HPSE2: variants seen among roughly 807,000 people sequenced by gnomAD.
HPSE2 encodes the protein heparanase 2 (inactive).
Under a neutral mutation model 60.5 loss-of-function variants are expected in HPSE2, and 38 were observed. The ratio of observed to expected loss-of-function variants is 0.63; its 90% CI spans 0.48 to 0.82. HPSE2 has a LOEUF of 0.82. Ranked by LOEUF, HPSE2 falls within the 40% of genes least tolerant of loss-of-function variation. The pLI is 0.00. For missense variants in HPSE2, 713 were observed against 740.4 expected (o/e 0.96, Z 0.43); for synonymous variants, 295 against 293.2 (o/e 1.01, Z -0.06).
At chr10:98,856,098 C>T (rs565291386) in intron 3 of HPSE2, among the ~76,000 whole-genome samples, 59 of 152,236 alleles carry the variant, frequency 3.9e-4, no homozygotes, top group African/African-American at 1.3e-3. Context: ...AAAGGCCTAG[C>T]AGAAAGAGAG....
the HPSE2 span, among the ~76,000 whole-genome samples, chr10:99,313,890 C>T: frequency 3.3e-5 from 5 of 152,062 alleles, no homozygotes; most frequent in South Asian, 4.2e-4. Context: ...TGAGTCACCG[C>T]GCCCAGCTGA....
the HPSE2 span, among the ~76,000 whole-genome samples, chr10:99,241,212 A>G: frequency 6.6e-6 from 1 of 152,226 alleles, no homozygotes; most frequent in Non-Finnish European, 1.5e-5. Flanking sequence ...ACAAGTGGCT[A>G]AAGTATTGTA....
At chr10:99,245,296 C>T in the HPSE2 span, among the ~76,000 whole-genome samples, 1 of 152,146 alleles carries the variant, frequency 6.6e-6, no homozygotes, top group Non-Finnish European at 1.5e-5. Context: ...AGATCCCTCA[C>T]TACACAATTC....
intron 3 of HPSE2, among the ~76,000 whole-genome samples, chr10:98,776,091 C>T (rs184249940): frequency 1.5e-3 from 222 of 152,162 alleles, no homozygotes; most frequent in Non-Finnish European, 2.6e-3. Context: ...CCATTTAGCA[C>T]CCTTCAATCC....
intron 3 of HPSE2, among the ~76,000 whole-genome samples, chr10:98,971,932 C>T (rs1955964844): frequency 6.6e-6 from 1 of 152,090 alleles, no homozygotes; most frequent in African/African-American, 2.4e-5. Context: ...TCTTACTCCC[C>T]AGGCCCCTAC....
At chr10:99,202,589 T>C (rs1387666543) in intron 2 of HPSE2, among the ~76,000 whole-genome samples, 1 of 152,182 alleles carries the variant, frequency 6.6e-6, no homozygotes, top group African/African-American at 2.4e-5. Flanking sequence ...ATATCTATTA[T>C]GTATCAATTT....
chr10:99,212,358 T>TC (rs1325587807), intron 2 of HPSE2, among the ~76,000 whole-genome samples: 1 of 151,982 alleles, frequency 6.6e-6, no homozygotes, highest in Non-Finnish European at 1.5e-5. Flanking sequence ...TAGCTGCACT[T>TC]CCATGTTCAC....
intron 9 of HPSE2, among the ~76,000 whole-genome samples, chr10:98,525,466 CACTT>C (rs2133786098): frequency 6.6e-6 from 1 of 152,376 alleles, no homozygotes; most frequent in African/African-American, 2.4e-5. Context: ...ACAGAAGAGA[CACTT>C]ACGGACTACC....
rs201030503 is a variant in HPSE2 at position 98,749,616 on chromosome 10, C to T, written c.611-5560G>A. Among the ~76,000 whole-genome samples, 11 of 151,192 alleles carry T rather than the reference C, an allele frequency of 7.3e-5. No homozygotes were observed. The East Asian group carries it at 1.2e-3, about 16-fold the overall frequency. ...AAAGCAATACACACTCAGTAGAAAT[C>T]GTACTTCAAATACACAACCATTTTG... On this transcript the variant is annotated intron_variant, in intron 3 of 11. Coordinates refer to ENST00000370552, the MANE Select transcript of HPSE2 (RefSeq NM_021828.5).
At chr10:99,156,248 T>G (rs1258200189) in intron 2 of HPSE2, among the ~76,000 whole-genome samples, 1 of 117,136 alleles carries the variant, frequency 8.5e-6, no homozygotes, top group African/African-American at 2.8e-5. Flanking sequence ...TAACTCATTT[T>G]ATGAGGCCAG....
intron 3 of HPSE2, among the ~76,000 whole-genome samples, chr10:99,120,911 G>A (rs1844927567): frequency 6.6e-6 from 1 of 152,194 alleles, no homozygotes; most frequent in Admixed American, 6.5e-5. Context: ...ATTTCTCAAA[G>A]AGCTAAAAAC....
intron 3 of HPSE2, among the ~76,000 whole-genome samples, chr10:99,052,749 G>T (rs1958019735): frequency 1.3e-5 from 2 of 151,818 alleles, no homozygotes; most frequent in South Asian, 4.1e-4. Context: ...AAGGCCAAGA[G>T]GAAAGTAAGA....
chr10:98,828,178 A>C (rs1432396094), intron 3 of HPSE2, among the ~76,000 whole-genome samples: 2 of 152,204 alleles, frequency 1.3e-5, no homozygotes, highest in African/African-American at 4.8e-5. Flanking sequence ...GACATAGTCT[A>C]TTGGTTCTGT....
the HPSE2 span, among the ~76,000 whole-genome samples, chr10:99,254,667 CTAATA>C: frequency 1.3e-5 from 2 of 152,136 alleles, no homozygotes; most frequent in Non-Finnish European, 2.9e-5. Context: ...TATAGCATAT[CTAATA>C]TAAGTTGAAA....
At chr10:99,111,427 G>A (rs758031112) in intron 3 of HPSE2, among the ~76,000 whole-genome samples, 2 of 152,168 alleles carry the variant, frequency 1.3e-5, no homozygotes, top group Non-Finnish European at 2.9e-5. Flanking sequence ...CATAGTTCAA[G>A]TTATGATTAT....
In HPSE2 at chr10:99,146,026, T is replaced by C. The variant is rs563924787; in HGVS notation, c.449-1627A>G. ...ATACCAATTTCTTGAATATGGGTAA[T>C]AAAATGAACTCATTTAACAAATAAC... On this transcript the variant is annotated intron_variant, in intron 2 of 11. Transcript: ENST00000370552. Among the ~76,000 whole-genome samples, 5 of 152,316 alleles carry C rather than the reference T, an allele frequency of 3.3e-5. No homozygotes were observed. In the East Asian group the frequency reaches 9.6e-4, roughly 29 times the overall value.
intron 2 of HPSE2, among the ~76,000 whole-genome samples, chr10:99,168,034 T>C (rs1025819346): frequency 3.3e-5 from 5 of 151,762 alleles, no homozygotes; most frequent in Non-Finnish European, 7.4e-5. Context: ...CATGAATGGA[T>C]ACCGAATTTT....
intron 6 of HPSE2, among the ~76,000 whole-genome samples, chr10:98,681,365 A>C (rs1456967675): frequency 6.6e-6 from 1 of 152,236 alleles, no homozygotes; most frequent in East Asian, 1.9e-4. Flanking sequence ...TTTATAATGA[A>C]ATGCATCAAC....
At chr10:99,250,083 C>A in the HPSE2 span, among the ~76,000 whole-genome samples, 3 of 147,356 alleles carry the variant, frequency 2.0e-5, no homozygotes, top group Non-Finnish European at 4.4e-5. Flanking sequence ...GTGGAGGTCA[C>A]AGTGAGCTGA....
Sources: allele counts gnomAD v4.1 joint callset (sites outside exome capture counted in the v4.1 genomes callset), GRCh38; gene constraint gnomAD v4.1.1; transcripts MANE v1.5; gene names NCBI Gene and HGNC (gene_info 2026-07-23, HGNC 2026-07-21).